The following NR5A2 variants were observed in gnomAD, a reference collection of about 807,000 sequenced individuals.
The protein encoded by NR5A2 is nuclear receptor subfamily 5 group A member 2.
In NR5A2, 26 loss-of-function variants were observed where a neutral mutation model predicts 62.7. That is an observed-to-expected ratio of 0.41 (90% CI 0.30 to 0.58). The LOEUF (loss-of-function observed/expected upper bound fraction) is 0.58. Ranked by LOEUF, NR5A2 falls within the 20% of genes least tolerant of loss-of-function variation. The pLI is 0.22. For missense variants in NR5A2, 541 were observed against 669.1 expected, an observed-to-expected ratio of 0.81 and a Z score of 2.11; for synonymous variants, 246 against 241.7, an observed-to-expected ratio of 1.02 and a Z score of -0.16.
At chr1:200,093,834 C>T (rs1449472307) in intron 5 of NR5A2, among the ~76,000 whole-genome samples, 3 of 152,262 alleles carry the variant, frequency 2.0e-5, no homozygotes, top group African/African-American at 7.2e-5. Context: ...GAATTAACCT[C>T]ATTCTTTGGA....
In NR5A2 at chr1:200,144,229, TCTCTCACACACACA is replaced by T. The variant is rs1397684385; in HGVS notation, c.1378+23276_1378+23289del. Among the ~76,000 whole-genome samples, 46 of 127,086 alleles carry T rather than the reference TCTCTCACACACACA, an allele frequency of 3.6e-4. No homozygotes were observed. In the South Asian group the frequency reaches 5.3e-3, roughly 15 times the overall value. 83.4% of individuals were successfully genotyped at this position (127,086 alleles called of 152,430 possible). A position where few individuals can be genotyped will look rare whatever the true frequency, so the allele number is the denominator to read the frequency against. ...CCAGCACTGTTTCTCTCTCTCTCTC[TCTCTCACACACACA>T]CACACACACACACACACACACACAC... On this transcript the variant is annotated intron_variant, in intron 7 of 7. Coordinates refer to ENST00000367362, the MANE Select transcript of NR5A2 (RefSeq NM_205860.3).
chr1:200,031,535 A>C (rs1298296147), intron 1 of NR5A2, among the ~76,000 whole-genome samples: 1 of 151,480 alleles, frequency 6.6e-6, no homozygotes, highest in African/African-American at 2.4e-5. Flanking sequence ...AACAAAACAA[A>C]ACAAAACAAA....
chr1:200,063,366 G>T (rs1416713063), intron 5 of NR5A2, among the ~76,000 whole-genome samples: 1 of 151,832 alleles, frequency 6.6e-6, no homozygotes, highest in East Asian at 1.9e-4. Context: ...CACCATGTTG[G>T]TCAGGCTGGT....
At chr1:200,079,261 G>A (rs1664180045) in intron 5 of NR5A2, among the ~76,000 whole-genome samples, 1 of 152,158 alleles carries the variant, frequency 6.6e-6, no homozygotes, top group South Asian at 2.1e-4. Flanking sequence ...ATTTTTCTCT[G>A]TTATGTCACT....
chr1:200,150,136 C>T (rs985724800), intron 7 of NR5A2, among the ~76,000 whole-genome samples: 1 of 152,160 alleles, frequency 6.6e-6, no homozygotes, highest in Non-Finnish European at 1.5e-5. Context: ...GCACTCTCTC[C>T]TATACTTCTT....
intron 5 of NR5A2, chr1:200,058,429 G>T (rs1218100062): frequency 6.6e-6 from 1 of 152,110 alleles, no homozygotes; most frequent in Admixed American, 6.6e-5. Flanking sequence ...ACCGAAGAGA[G>T]TGGTTTTTCG....
chr1:200,110,775 G>C (rs1256412739), intron 5 of NR5A2, among the ~76,000 whole-genome samples: 1 of 152,058 alleles, frequency 6.6e-6, no homozygotes, highest in African/African-American at 2.4e-5. Context: ...GCTAATATCT[G>C]TGTACTATTT....
intron 7 of NR5A2, among the ~76,000 whole-genome samples, chr1:200,134,981 T>G (rs974878280): frequency 2.0e-5 from 3 of 152,204 alleles, no homozygotes; most frequent in Non-Finnish European, 2.9e-5. Context: ...GTCATTCTGT[T>G]TTCTGTGGAG....
rs1366961248 is a variant in NR5A2, at chr1:200,174,137, A to G, written c.1553A>G (p.Tyr518Cys). 2 of 1,613,664 alleles carry G rather than the reference A, an allele frequency of 1.2e-6. No homozygotes were observed. ...AISMQAEEYL[Y>C]YKHLNGDVPY... ...AGTATGCAGGCTGAAGAATACCTCT[A>G]CTACAAGCACCTGAACGGGGATGTG... The change falls in exon 8 of 8, where the codon TAC becomes TGC. Residue 518 changes from tyrosine to cysteine, a missense_variant. This residue lies in a region of NR5A2 where 379 missense variants were observed against 442.0 expected (regional missense o/e 0.86). Coordinates refer to ENST00000367362, the MANE Select transcript of NR5A2 (RefSeq NM_205860.3).
chr1:200,030,474 T>G (rs1661510743), intron 1 of NR5A2, among the ~76,000 whole-genome samples: 1 of 152,234 alleles, frequency 6.6e-6, no homozygotes, highest in African/African-American at 2.4e-5. Context: ...ACTCAGGTTA[T>G]AACTAGATTG....
intron 7 of NR5A2, among the ~76,000 whole-genome samples, chr1:200,154,434 T>C (rs142164417): frequency 1.4e-4 from 21 of 152,302 alleles, no homozygotes; most frequent in African/African-American, 5.1e-4. Context: ...TTGATAACAA[T>C]AATCACCAGC....
rs964033693 is a variant in NR5A2, at chr1:200,073,497, T to C, written c.1110+24679T>C. 2.0e-5 allele frequency among the ~76,000 whole-genome samples: 3 copies of C among 151,786 alleles called. No homozygotes were observed. The South Asian group carries it at 6.2e-4, about 32-fold the overall frequency. The stretch of plus-strand genomic sequence containing the variant: ...CATATAACCTCCCATGTACTTTAAA[T>C]CATCTTAAAATTATAATACCTAAGA... On this transcript the variant is annotated intron_variant, in intron 5 of 7. Transcript: ENST00000367362.
intron 7 of NR5A2, among the ~76,000 whole-genome samples, chr1:200,171,020 A>C (rs1306055577): frequency 6.6e-6 from 1 of 152,228 alleles, no homozygotes; most frequent in Non-Finnish European, 1.5e-5. Flanking sequence ...GAACTAAAGC[A>C]TATCCCTTAT....
intron 5 of NR5A2, among the ~76,000 whole-genome samples, chr1:200,094,693 T>C (rs1228162096): frequency 1.6e-4 from 24 of 151,456 alleles, no homozygotes; most frequent in African/African-American, 5.6e-4. Flanking sequence ...CCACCACGCC[T>C]GACTTATTTT....
At chr1:200,061,188 TTC>T (rs1663199699) in intron 5 of NR5A2, among the ~76,000 whole-genome samples, 1 of 151,658 alleles carries the variant, frequency 6.6e-6, no homozygotes, top group South Asian at 2.1e-4. Flanking sequence ...GCCTGATCAT[TTC>T]TCTCAGAAAA....
chr1:200,164,294 G>A (rs748193469), intron 7 of NR5A2, among the ~76,000 whole-genome samples: 1 of 152,084 alleles, frequency 6.6e-6, no homozygotes, highest in Admixed American at 6.6e-5. Flanking sequence ...GTGCAAGAAC[G>A]GCCTAGTGGA....
At chr1:200,059,109 T>TA (rs1386518147) in intron 5 of NR5A2, among the ~76,000 whole-genome samples, 7 of 151,700 alleles carry the variant, frequency 4.6e-5, no homozygotes, top group African/African-American at 1.7e-4. Flanking sequence ...GACTTTGTCT[T>TA]AAAAATAATA....
At chr1:200,103,839 T>C (rs1665512606) in intron 5 of NR5A2, among the ~76,000 whole-genome samples, 1 of 152,198 alleles carries the variant, frequency 6.6e-6, no homozygotes, top group African/African-American at 2.4e-5. Context: ...GAAGAGGTGA[T>C]TGTCCAAAGG....
At chr1:200,136,638 TCCA>T (rs927641991) in intron 7 of NR5A2, among the ~76,000 whole-genome samples, 11 of 152,362 alleles carry the variant, frequency 7.2e-5, no homozygotes, top group African/African-American at 2.6e-4. Flanking sequence ...CTAGGTTTTC[TCCA>T]CTATTCACTG....
Sources: gnomAD v4.1 joint callset for allele counts (sites outside exome capture counted in the v4.1 genomes callset) on GRCh38, gnomAD v4.1.1 for gene constraint, gnomAD v4.1.1 regional missense constraint, MANE v1.5 for transcripts, NCBI Gene and HGNC (gene_info 2026-07-23, HGNC 2026-07-21) for gene names.